The following NAA30 variants were observed in gnomAD, a reference collection of about 807,000 sequenced individuals.
NAA30 encodes N-alpha-acetyltransferase 30.
Under a neutral mutation model 31.4 loss-of-function variants are expected in NAA30, and 5 were observed. That is an observed-to-expected ratio of 0.16 (90% CI 0.08 to 0.33). The LOEUF (loss-of-function observed/expected upper bound fraction) is 0.33. NAA30 is among the 10% of genes least tolerant of loss of function. The pLI is 1.00. For synonymous variants in NAA30, 222 were observed against 207.1 expected (o/e 1.07, Z -0.62); for missense variants, 428 against 490.8 (o/e 0.87, Z 1.21).
At chr14:57,404,057 C>CA (rs1307745483) in intron 4 of NAA30, among the ~76,000 whole-genome samples, 2 of 152,114 alleles carry the variant, frequency 1.3e-5, no homozygotes, top group Non-Finnish European at 2.9e-5. Flanking sequence ...CACGGTGTCT[C>CA]ACGCCTGTAA....
intron 3 of NAA30, among the ~76,000 whole-genome samples, chr14:57,398,790 T>C (rs1415924927): frequency 6.6e-6 from 1 of 152,036 alleles, no homozygotes; most frequent in African/African-American, 2.4e-5. Context: ...CCTCCACCTG[T>C]AATGCCTGGC....
intron 4 of NAA30, 62 bp from the exon 5 acceptor site, chr14:57,409,313 TTTAG>T: frequency 7.8e-7 from 1 of 1,274,942 alleles, no homozygotes; most frequent in Non-Finnish European, 1.1e-6. Flanking sequence ...TAAAAAATTG[TTTAG>T]TTGGTAAATT....
In NAA30 at chr14:57,391,098, G is replaced by A. The variant is rs766448658; in HGVS notation, c.141G>A (p.Glu47=). ...GCGAGGACGAGGAGGACGACGAAGA[G>A]CACGAAGGCGGCGGCAGCAGGAGCC... The part of the protein sequence containing the change: ...CCSEDEEDDE[E]HEGGGSRSPA... The change falls in exon 2 of 5, where the codon GAG becomes GAA. Residue 47 remains glutamate (E), a synonymous_variant. Coordinates refer to ENST00000556492, the MANE Select transcript of NAA30 (RefSeq NM_001011713.3). This position sits in a 1 kb window ranked among gnomAD's most constrained non-coding sequence, Gnocchi z 4.1. 25 of 1,567,970 alleles carry A rather than the reference G, an allele frequency of 1.6e-5. No homozygotes were observed. The highest frequency in any genetic ancestry group is 1.8e-5 in the Non-Finnish European group (21 of 1,160,144).
chr14:57,414,862 C>T lies in NAA30; in HGVS notation c.*5346C>T, dbSNP rs2066540352. ...ACATGCATTACTTTGGGGATTAAGT[C>T]AGTGTTTAATCTCAATATGAAACAG... On this transcript the variant is annotated 3_prime_UTR_variant, in exon 5 of 5. Transcript: ENST00000556492. 6.6e-6 allele frequency: 1 copy of T among 152,184 alleles called. No individual in the cohort carries two copies. The allele number at this position is 152,184 out of a possible 1,614,324, so 9.4% of individuals were successfully genotyped here. A position where few individuals can be genotyped will look rare whatever the true frequency, so the allele number is the denominator to read the frequency against.
Position 57,391,365 on chromosome 14 carries a change from G to C in NAA30, c.408G>C (p.Glu136Asp). The C allele has an allele frequency of 6.2e-6, 10 of 1,611,582 alleles. No individual in the cohort carries two copies. Among genetic ancestry groups the C allele is most frequent in the Non-Finnish European group, 8.5e-6 (10 of 1,179,400 alleles). ...AAGGAGCCGGGGTACACTCGGGCGA[G>C]AGGCCCCCTCACTCCCTCTCTAGTA... ...ATKGAGVHSG[E>D]RPPHSLSSNA... The change falls in exon 2 of 5, where the codon GAG becomes GAC. Residue 136 changes from glutamate (E) to aspartate (D), a missense_variant. Glu to Asp is a conservative substitution (Grantham distance 45, BLOSUM62 2). Around this residue, in one of 2 missense-constraint regions of NAA30, gnomAD observed 349 missense variants for 310.4 expected, o/e 1.12. Coordinates refer to ENST00000556492, the MANE Select transcript of NAA30 (RefSeq NM_001011713.3). This position sits in a 1 kb window ranked among gnomAD's most constrained non-coding sequence, Gnocchi z 4.1.
At position 57,413,459 on chromosome 14, in the gene NAA30, A is replaced by G. The variant is rs909372893; in HGVS notation, c.*3943A>G. The G allele has an allele frequency of 7.9e-5, 12 of 152,336 alleles. No homozygotes were observed. Among genetic ancestry groups the G allele is most frequent in the East Asian group, 1.9e-4 (1 of 5,190 alleles). The allele number at this position is 152,336 out of a possible 1,614,324, so 9.4% of individuals were successfully genotyped here. ...GTTGATACCATTTTTTCACACCAGTAAACACAGATCAGTATTAACCTGTAG... is the reference window on the plus strand; with the variant it reads ...GTTGATACCATTTTTTCACACCAGTGAACACAGATCAGTATTAACCTGTAG... On this transcript the variant is annotated 3_prime_UTR_variant, in exon 5 of 5. Transcript: ENST00000556492.
At position 57,409,619 on chromosome 14, in the gene NAA30, G is replaced by A; in HGVS notation, c.*103G>A. Reference sequence around the variant, plus strand: ...TGCAGGTGGATTTAGTAATTTCCATGCAGCTCTTACCTGTCAGTGTCTCAT... The same window carrying A: ...TGCAGGTGGATTTAGTAATTTCCATACAGCTCTTACCTGTCAGTGTCTCAT... On this transcript the variant is annotated 3_prime_UTR_variant, in exon 5 of 5. Coordinates refer to ENST00000556492, the MANE Select transcript of NAA30 (RefSeq NM_001011713.3). 8.4e-7 allele frequency: 1 copy of A among 1,188,074 alleles called. No homozygotes were observed. The highest frequency in any genetic ancestry group is 1.1e-6 in the Non-Finnish European group (1 of 871,570). 73.6% of individuals were successfully genotyped at this position (1,188,074 alleles called of 1,614,324 possible).
chr14:57,399,709 T>C, intron 3 of NAA30, 119 bp from the exon 4 acceptor site: 1 of 687,244 alleles, frequency 1.5e-6, no homozygotes, highest in East Asian at 2.7e-5. Flanking sequence ...AGGTAATCCG[T>C]GTATCTGGAT....
chr14:57,406,886 G>T (rs1043286097), intron 4 of NAA30, among the ~76,000 whole-genome samples: 2 of 152,098 alleles, frequency 1.3e-5, no homozygotes, highest in African/African-American at 2.4e-5. Context: ...GTGTGTGTAT[G>T]TGTGAGTATT....
At position 57,391,307 on chromosome 14, in the gene NAA30, C is replaced by T. The variant is rs374583462; in HGVS notation, c.350C>T (p.Thr117Ile). 1.5e-4 allele frequency: 241 copies of T among 1,610,960 alleles called. No homozygotes were observed. The highest frequency in any genetic ancestry group is 2.0e-4 in the Non-Finnish European group (233 of 1,179,150). ...SVAEVAATTA[T>I]PDGGPRATAT... ...GCAGAGGTGGCCGCGACCACAGCCA[C>T]CCCTGACGGAGGCCCCAGAGCGACT... The change falls in exon 2 of 5, where the codon ACC (threonine) becomes ATC (isoleucine). Residue 117 changes from threonine (T) to isoleucine (I), a missense_variant. Thr to Ile is a moderately conservative substitution (Grantham distance 89). Transcript: ENST00000556492. The surrounding 1 kb of genome is among the most constrained non-coding windows in gnomAD (Gnocchi z 4.1).
chr14:57,411,529 A>C lies in NAA30; in HGVS notation c.*2013A>C, dbSNP rs866964878. 6.6e-5 allele frequency: 10 copies of C among 152,184 alleles called. No individual in the cohort carries two copies. The highest frequency in any genetic ancestry group is 2.4e-4 in the African/African-American group (10 of 41,470). The allele number at this position is 152,184 out of a possible 1,614,324, so 9.4% of individuals were successfully genotyped here. A position where few individuals can be genotyped will look rare whatever the true frequency, so the allele number is the denominator to read the frequency against. ...TCACTAATAGGGATGGTTGTAAAGT[A>C]GATAGATCATTGGTTCAACCATTTT... On this transcript the variant is annotated 3_prime_UTR_variant, in exon 5 of 5. Coordinates refer to ENST00000556492, the MANE Select transcript of NAA30 (RefSeq NM_001011713.3).
At chr14:57,402,929 C>T (rs2066482900) in intron 4 of NAA30, among the ~76,000 whole-genome samples, 1 of 152,124 alleles carries the variant, frequency 6.6e-6, no homozygotes, top group African/African-American at 2.4e-5. Flanking sequence ...GCCTGTAATC[C>T]CAGCACTTTG....
chr14:57,400,375 G>T (rs2066470171), intron 4 of NAA30, among the ~76,000 whole-genome samples: 1 of 152,162 alleles, frequency 6.6e-6, no homozygotes, highest in Non-Finnish European at 1.5e-5. Flanking sequence ...TCTTCAGCTT[G>T]TTTGTAAGGT....
intron 2 of NAA30, among the ~76,000 whole-genome samples, chr14:57,393,491 AGCCT>A (rs1732582314): frequency 6.6e-6 from 1 of 152,192 alleles, no homozygotes; most frequent in Non-Finnish European, 1.5e-5. Flanking sequence ...TTAAAACTGA[AGCCT>A]TTATCTTGGC....
chr14:57,391,006 C>A lies in NAA30; in HGVS notation c.49C>A (p.Pro17Thr). Reference protein sequence around the residue: ...GPSSLLPPPAPPAPAAVEPRC... With the variant: ...GPSSLLPPPATPAPAAVEPRC... ...TAGCAGCCTCCTCCCACCACCAGCACCTCCGGCCCCGGCGGCGGTCGAGCC... is the reference window on the plus strand; with the variant it reads ...TAGCAGCCTCCTCCCACCACCAGCAACTCCGGCCCCGGCGGCGGTCGAGCC... Residue 17 changes from proline to threonine, a missense_variant, in exon 2 of 5, where the codon CCT (proline) becomes ACT (threonine). Transcript: ENST00000556492. This position sits in a 1 kb window ranked among gnomAD's most constrained non-coding sequence, Gnocchi z 4.1. The A allele has an allele frequency of 6.7e-7, 1 of 1,498,660 alleles. No individual in the cohort carries two copies. Among genetic ancestry groups the A allele is most frequent in the Non-Finnish European group, 8.8e-7 (1 of 1,132,348 alleles). 92.8% of individuals were successfully genotyped at this position (1,498,660 alleles called of 1,614,324 possible). A position where few individuals can be genotyped will look rare whatever the true frequency, so the allele number is the denominator to read the frequency against.
intron 3 of NAA30, among the ~76,000 whole-genome samples, chr14:57,398,737 A>G (rs2066461505): frequency 6.6e-6 from 1 of 151,900 alleles, no homozygotes; most frequent in South Asian, 2.1e-4. Flanking sequence ...TGTTCAAGTG[A>G]TTTTCCTGCC....
rs1033726924 is a variant in NAA30 at position 57,415,893 on chromosome 14, G to C, written c.*6377G>C. 6.7e-6 allele frequency: 1 copy of C among 148,466 alleles called. No individual in the cohort carries two copies. Among genetic ancestry groups the C allele is most frequent in the Admixed American group, 6.7e-5 (1 of 14,962 alleles). 9.2% of individuals were successfully genotyped at this position (148,466 alleles called of 1,614,324 possible). The stretch of plus-strand genomic sequence containing the variant: ...TGTGAATGCAAATAAAATAAAATTT[G>C]TAAGTCCACCAAATATTGACTTAAC... On this transcript the variant is annotated 3_prime_UTR_variant, in exon 5 of 5. Transcript: ENST00000556492.
In NAA30 at chr14:57,415,032, T is replaced by C. The variant is rs541689778; in HGVS notation, c.*5516T>C. Reference sequence around the variant, plus strand: ...TAAGAAATAAGCTTATTTTTAGATATGGATTTTTTATGACTACCTCTTTGC... The same window carrying C: ...TAAGAAATAAGCTTATTTTTAGATACGGATTTTTTATGACTACCTCTTTGC... On this transcript the variant is annotated 3_prime_UTR_variant, in exon 5 of 5. Transcript: ENST00000556492. 3.9e-5 allele frequency: 6 copies of C among 152,364 alleles called. No homozygotes were observed. Among genetic ancestry groups the C allele is most frequent in the Admixed American group, 6.5e-5 (1 of 15,302 alleles). The allele number at this position is 152,364 out of a possible 1,614,324, so 9.4% of individuals were successfully genotyped here. A position where few individuals can be genotyped will look rare whatever the true frequency, so the allele number is the denominator to read the frequency against.
At chr14:57,402,375 A>G (rs1052237165) in intron 4 of NAA30, among the ~76,000 whole-genome samples, 1 of 152,250 alleles carries the variant, frequency 6.6e-6, no homozygotes, top group African/African-American at 2.4e-5. Flanking sequence ...CTGTATTCTT[A>G]GTGCTTAGTG....
Sources: allele counts gnomAD v4.1 joint callset (sites outside exome capture counted in the v4.1 genomes callset), GRCh38; gene constraint gnomAD v4.1.1; regional missense constraint gnomAD v4.1.1; non-coding constraint Gnocchi (gnomAD v3.1); transcripts MANE v1.5; gene names NCBI Gene and HGNC (gene_info 2026-07-23, HGNC 2026-07-21).